Variants in LRMDA observed in about 807,000 individuals in gnomAD.
The protein encoded by LRMDA is leucine rich melanocyte differentiation associated.
LRMDA carries 18 observed loss-of-function variants against 29.8 expected under a neutral mutation model. The observed-to-expected ratio is 0.60, with a 90% CI of 0.42 to 0.90. LRMDA has a LOEUF of 0.90. Ranked by LOEUF, LRMDA falls within the 40% of genes least tolerant of loss-of-function variation. The pLI is 0.00. For missense variants in LRMDA, 273 were observed against 273.9 expected (o/e 1.00, Z 0.02); for synonymous variants, 125 against 109.4 (o/e 1.14, Z -0.89).
chr10:76,102,984 G>C (rs1849419571), intron 5 of LRMDA, among the ~76,000 whole-genome samples: 1 of 151,806 alleles, frequency 6.6e-6, no homozygotes, highest in Non-Finnish European at 1.5e-5. Flanking sequence ...CATTCTTTAG[G>C]GTATATACCT....
At chr10:76,344,860 C>A (rs1049917107) in intron 6 of LRMDA, among the ~76,000 whole-genome samples, 1 of 150,474 alleles carries the variant, frequency 6.6e-6, no homozygotes, top group Non-Finnish European at 1.5e-5. Context: ...ATACCTTACA[C>A]CTTACAGCAG....
At chr10:76,092,499 G>C (rs904916787) in intron 5 of LRMDA, among the ~76,000 whole-genome samples, 8 of 152,142 alleles carry the variant, frequency 5.3e-5, no homozygotes, top group African/African-American at 1.7e-4. Flanking sequence ...TTCCCAAATT[G>C]TGTGCTGAGA....
At chr10:75,498,124 G>A (rs1589161157) in intron 2 of LRMDA, among the ~76,000 whole-genome samples, 1 of 152,082 alleles carries the variant, frequency 6.6e-6, no homozygotes, top group Non-Finnish European at 1.5e-5. Context: ...ATGACGTCTC[G>A]TTGTGGTTTT....
At chr10:76,411,753 G>A (rs1281325504) in intron 6 of LRMDA, among the ~76,000 whole-genome samples, 1 of 152,216 alleles carries the variant, frequency 6.6e-6, no homozygotes, top group Non-Finnish European at 1.5e-5. Flanking sequence ...CCCCTGACAG[G>A]GGGCACAGTC....
At chr10:76,132,336 T>G (rs183352581) in intron 5 of LRMDA, among the ~76,000 whole-genome samples, 1 of 152,192 alleles carries the variant, frequency 6.6e-6, no homozygotes, top group Non-Finnish European at 1.5e-5. Flanking sequence ...CTTCAGGGAC[T>G]GATGCCTGGC....
intron 5 of LRMDA, among the ~76,000 whole-genome samples, chr10:76,089,200 ACT>A (rs1455557510): frequency 2.0e-5 from 3 of 152,048 alleles, no homozygotes; most frequent in African/African-American, 7.2e-5. Flanking sequence ...AATCACTGAG[ACT>A]CTGAGAATTT....
intron 2 of LRMDA, among the ~76,000 whole-genome samples, chr10:75,746,701 A>G (rs1303827331): frequency 6.6e-6 from 1 of 152,154 alleles, no homozygotes; most frequent in East Asian, 1.9e-4. Context: ...GATGTCTCAG[A>G]GTGCGTGGGT....
chr10:75,613,076 T>C (rs1841052740), intron 2 of LRMDA, among the ~76,000 whole-genome samples: 1 of 152,000 alleles, frequency 6.6e-6, no homozygotes, highest in African/African-American at 2.4e-5. Context: ...GACAGGCATG[T>C]TACACAGTGG....
intron 5 of LRMDA, among the ~76,000 whole-genome samples, chr10:76,210,322 G>A (rs74150544): frequency 0.034 from 5,182 of 152,162 alleles, 299 homozygotes; most frequent in African/African-American, 0.11. Context: ...GATTGCATTC[G>A]AATTAAAAGT....
At chr10:75,710,858 G>A (rs74147193) in intron 2 of LRMDA, among the ~76,000 whole-genome samples, 1 of 152,230 alleles carries the variant, frequency 6.6e-6, no homozygotes, top group African/African-American at 2.4e-5. Flanking sequence ...GTGATGCAAG[G>A]TGTGGCAATG....
chr10:75,523,625 C>A (rs531816604), intron 2 of LRMDA, among the ~76,000 whole-genome samples: 1 of 152,182 alleles, frequency 6.6e-6, no homozygotes, highest in South Asian at 2.1e-4. Flanking sequence ...AAATCAGGAC[C>A]CTTTTGAAAA....
chr10:76,410,662 C>G lies in LRMDA; in HGVS notation c.601+86177C>G, dbSNP rs560106334. On this transcript the variant is annotated intron_variant, in intron 6 of 6. Coordinates refer to ENST00000611255, the MANE Select transcript of LRMDA (RefSeq NM_001305581.2). ...GCTGAAAGATTACATTGGCTTATTA[C>G]AAAGATCATTCTGGCTGGGAGTGGC... Among the ~76,000 whole-genome samples, 30 of 151,612 alleles carry G rather than the reference C, an allele frequency of 2.0e-4. No individual in the cohort carries two copies. In the South Asian group the frequency reaches 6.4e-3, roughly 32 times the overall value.
intron 2 of LRMDA, among the ~76,000 whole-genome samples, chr10:75,794,724 A>G (rs10160195): frequency 0.38 from 57,566 of 152,082 alleles, 12,857 homozygotes; most frequent in South Asian, 0.54. Context: ...GTTTACTGCC[A>G]TTTGTATATC....
At chr10:76,437,072 T>C (rs1842252210) in intron 6 of LRMDA, among the ~76,000 whole-genome samples, 1 of 152,138 alleles carries the variant, frequency 6.6e-6, no homozygotes, top group African/African-American at 2.4e-5. Context: ...CTTTTAATCA[T>C]AGCAATGGGC....
chr10:75,994,048 C>A (rs895583958), intron 2 of LRMDA, among the ~76,000 whole-genome samples: 20 of 152,198 alleles, frequency 1.3e-4, no homozygotes, highest in African/African-American at 3.9e-4. Flanking sequence ...TCACCTAAAC[C>A]CCTAAGGCCT....
chr10:75,806,265 G>A (rs1589212857), intron 2 of LRMDA, among the ~76,000 whole-genome samples: 1 of 152,190 alleles, frequency 6.6e-6, no homozygotes, highest in African/African-American at 2.4e-5. Flanking sequence ...GATTTGGATG[G>A]GGACAAATAT....
intron 6 of LRMDA, among the ~76,000 whole-genome samples, chr10:76,443,300 C>T (rs140344260): frequency 1.5e-4 from 23 of 152,294 alleles, no homozygotes; most frequent in African/African-American, 4.3e-4. Context: ...AAATGCTTAC[C>T]GTTCAAGTTG....
intron 2 of LRMDA, among the ~76,000 whole-genome samples, chr10:75,705,424 C>T (rs1348889510): frequency 6.6e-6 from 1 of 152,192 alleles, no homozygotes; most frequent in Admixed American, 6.5e-5. Flanking sequence ...ATCTCATCTC[C>T]AGCTGTCCTC....
At chr10:75,980,788 A>G (rs989984912) in intron 2 of LRMDA, among the ~76,000 whole-genome samples, 1 of 152,060 alleles carries the variant, frequency 6.6e-6, no homozygotes, top group Non-Finnish European at 1.5e-5. Flanking sequence ...TCACTTTCCT[A>G]TTTTTCCAAC....
Sources: allele counts gnomAD v4.1 joint callset (sites outside exome capture counted in the v4.1 genomes callset), GRCh38; gene constraint gnomAD v4.1.1; transcripts MANE v1.5; gene names NCBI Gene and HGNC (gene_info 2026-07-23, HGNC 2026-07-21).